ARHGAP25: variants seen among roughly 807,000 people sequenced by gnomAD.
ARHGAP25 encodes the protein rho GTPase-activating protein 25.
In ARHGAP25, 34 loss-of-function variants were observed where a neutral mutation model predicts 71.0. The ratio of observed to expected loss-of-function variants is 0.48; its 90% CI spans 0.36 to 0.64. ARHGAP25 has a LOEUF of 0.64. Ranked by LOEUF, ARHGAP25 falls within the 30% of genes least tolerant of loss-of-function variation. The pLI is 0.00. For missense variants in ARHGAP25, 706 were observed against 805.1 expected (o/e 0.88, Z 1.49); for synonymous variants, 282 against 296.5 (o/e 0.95, Z 0.50).
intron 1 of ARHGAP25, among the ~76,000 whole-genome samples, chr2:68,761,142 G>A (rs1043039450): frequency 3.3e-5 from 5 of 151,994 alleles, no homozygotes; most frequent in African/African-American, 1.2e-4. Context: ...ATGGGGAAAA[G>A]ATTGTCTTTT....
At chr2:68,815,443 CTTTTTTTTTTTTT>C (rs796100406) in intron 6 of ARHGAP25, among the ~76,000 whole-genome samples, 2 of 62,290 alleles carry the variant, frequency 3.2e-5, no homozygotes, top group African/African-American at 6.6e-5. Flanking sequence ...TGTGTACTCT[CTTTTTTTTTTTTT>C]TTTTTTTTTT....
chr2:68,763,940 T>C (rs1300365376), intron 1 of ARHGAP25, among the ~76,000 whole-genome samples: 1 of 152,210 alleles, frequency 6.6e-6, no homozygotes, highest in Non-Finnish European at 1.5e-5. Flanking sequence ...TCAATGATTT[T>C]TAGTAAATTT....
At chr2:68,814,149 G>A (rs942887465) in intron 6 of ARHGAP25, among the ~76,000 whole-genome samples, 2 of 152,086 alleles carry the variant, frequency 1.3e-5, no homozygotes, top group African/African-American at 4.8e-5. Flanking sequence ...TGTTTATATC[G>A]ACTATGTTAA....
intron 4 of ARHGAP25, among the ~76,000 whole-genome samples, chr2:68,799,616 G>A (rs139406334): frequency 1.0e-3 from 155 of 152,254 alleles, no homozygotes; most frequent in African/African-American, 2.7e-3. Flanking sequence ...TCCCCTGAAC[G>A]GCAGTTGACA....
rs77276723 is a variant in ARHGAP25, at chr2:68,755,521, C to T, written c.62-19700C>T. Among the ~76,000 whole-genome samples, 47 of 152,268 alleles carry T rather than the reference C, an allele frequency of 3.1e-4. No individual in the cohort carries two copies. The East Asian group carries it at 8.9e-3, about 29-fold the overall frequency. On this transcript the variant is annotated intron_variant, in intron 1 of 10. Transcript: ENST00000409202. ...ACTCACCGCCCGCCAATCCATCAAT[C>T]CCAGGTATAGCATAATACATGCTAT...
intron 1 of ARHGAP25, among the ~76,000 whole-genome samples, chr2:68,738,887 G>A (rs949584233): frequency 4.6e-5 from 7 of 151,512 alleles, no homozygotes; most frequent in African/African-American, 1.5e-4. Flanking sequence ...ACACAAGGGA[G>A]CTGTTCCTTC....
rs778142508 is a variant in ARHGAP25 at position 68,767,203 on chromosome 2, G to A, written c.62-8018G>A. ...AGTAAAGATGCCTTTTGAAGGGGCA[G>A]TGCTTTTCATACTAAAGTTAAAAAC... On this transcript the variant is annotated intron_variant, in intron 1 of 10. Coordinates refer to ENST00000409202, the MANE Select transcript of ARHGAP25 (RefSeq NM_001007231.3). This position sits in a 1 kb window ranked among gnomAD's most constrained non-coding sequence, Gnocchi z 4.6. Among the ~76,000 whole-genome samples the A allele has an allele frequency of 6.6e-6, 1 of 152,220 alleles. No individual in the cohort carries two copies. Among genetic ancestry groups the A allele is most frequent in the East Asian group, 1.9e-4 (1 of 5,198 alleles).
chr2:68,822,473 C>G lies in ARHGAP25; in HGVS notation c.1334C>G (p.Pro445Arg). Residue 445 changes from proline to arginine, a missense_variant, in exon 10 of 11, where the codon CCT (proline) becomes CGT (arginine). Physicochemically the swap from Pro to Arg is moderately radical, Grantham distance 103. Transcript: ENST00000409202. ...TCTCGTAAAAGGACTCAAACACTCCCTAACCGGAAATGTTTCTTGACATCA... is the reference window on the plus strand; with the variant it reads ...TCTCGTAAAAGGACTCAAACACTCCGTAACCGGAAATGTTTCTTGACATCA... ...MQSRKRTQTLPNRKCFLTSAF... is the reference protein window; with the variant it reads ...MQSRKRTQTLRNRKCFLTSAF... The G allele has an allele frequency of 6.2e-7, 1 of 1,614,236 alleles. No individual in the cohort carries two copies. Among genetic ancestry groups the G allele is most frequent in the Non-Finnish European group, 8.5e-7 (1 of 1,180,036 alleles).
intron 6 of ARHGAP25, among the ~76,000 whole-genome samples, chr2:68,815,986 A>G (rs1413179233): frequency 6.6e-6 from 1 of 152,212 alleles, no homozygotes; most frequent in Non-Finnish European, 1.5e-5. Flanking sequence ...GCAAACAATT[A>G]ACGTATGAGT....
chr2:68,818,053 C>T (rs1681359960), intron 8 of ARHGAP25, 59 bp downstream of exon 8: 3 of 1,600,196 alleles, frequency 1.9e-6, no homozygotes. Context: ...CAACATTCCC[C>T]CTGATATTTG....
chr2:68,784,209 C>T (rs1366772324), intron 3 of ARHGAP25, among the ~76,000 whole-genome samples: 1 of 151,626 alleles, frequency 6.6e-6, no homozygotes, highest in East Asian at 1.9e-4. Flanking sequence ...CACACACACA[C>T]CACATCTCAT....
chr2:68,743,529 TTGAC>T (rs537917100), intron 1 of ARHGAP25, among the ~76,000 whole-genome samples: 1 of 152,230 alleles, frequency 6.6e-6, no homozygotes, highest in Non-Finnish European at 1.5e-5. Flanking sequence ...TTCTTCCTCT[TTGAC>T]TGTCATTCTG....
At chr2:68,805,204 G>A (rs905356527) in intron 4 of ARHGAP25, among the ~76,000 whole-genome samples, 5 of 152,138 alleles carry the variant, frequency 3.3e-5, no homozygotes, top group African/African-American at 4.8e-5. Flanking sequence ...AGAGCATTAC[G>A]TTTTGGAAAC....
intron 2 of ARHGAP25, among the ~76,000 whole-genome samples, chr2:68,720,922 T>C (rs1266936280): frequency 6.6e-6 from 1 of 152,176 alleles, no homozygotes; most frequent in African/African-American, 2.4e-5. Context: ...CAGTGCTTTG[T>C]GGACTGAAAT....
At chr2:68,732,592 T>G (rs143620635), upstream of ARHGAP25, among the ~76,000 whole-genome samples, 1 of 152,316 alleles carries the variant, frequency 6.6e-6, no homozygotes, top group African/African-American at 2.4e-5. Context: ...GGAGGGTAGC[T>G]GGGTAGACTG....
intron 1 of ARHGAP25, among the ~76,000 whole-genome samples, chr2:68,743,245 C>T (rs560313022): frequency 6.6e-6 from 1 of 152,300 alleles, no homozygotes; most frequent in South Asian, 2.1e-4. Context: ...TACTGTCATG[C>T]GTACCTCTGG....
At chr2:68,781,824 C>T (rs1678362946) in intron 2 of ARHGAP25, among the ~76,000 whole-genome samples, 1 of 152,058 alleles carries the variant, frequency 6.6e-6, no homozygotes, top group South Asian at 2.1e-4. Context: ...CCAATGGTCA[C>T]CTGAGTGGTT....
rs796100406 is a variant in ARHGAP25 at position 68,815,443 on chromosome 2, C to CTTTTTTTTTT, written c.808-830_808-821dup. On this transcript the variant is annotated intron_variant, in intron 6 of 10. Coordinates refer to ENST00000409202, the MANE Select transcript of ARHGAP25 (RefSeq NM_001007231.3). Reference sequence around the variant, plus strand: ...CACCGGCATGTGAATTGTGTACTCTCTTTTTTTTTTTTTTTTTTTTTTTTT... The same window carrying CTTTTTTTTTT: ...CACCGGCATGTGAATTGTGTACTCTCTTTTTTTTTTTTTTTTTTTTTTTTTTTTTTTTTTT... Among the ~76,000 whole-genome samples, 8 of 62,332 alleles carry CTTTTTTTTTT rather than the reference C, an allele frequency of 1.3e-4. 2 individuals are homozygous for CTTTTTTTTTT. Among genetic ancestry groups the CTTTTTTTTTT allele is most frequent in the Admixed American group, 4.5e-4 (2 of 4,468 alleles). The allele number at this position is 62,332 out of a possible 152,430, so 40.9% of individuals were successfully genotyped here.
At chr2:68,753,078 T>TGG (rs70954323) in intron 1 of ARHGAP25, among the ~76,000 whole-genome samples, 224 of 147,022 alleles carry the variant, frequency 1.5e-3, no homozygotes, top group East Asian at 8.5e-3. Flanking sequence ...TTGGGGTGGA[T>TGG]GGGGGGGGTG....
Sources: gnomAD v4.1 joint callset for allele counts (sites outside exome capture counted in the v4.1 genomes callset) on GRCh38, gnomAD v4.1.1 for gene constraint, Gnocchi (gnomAD v3.1) non-coding constraint, MANE v1.5 for transcripts, NCBI Gene and HGNC (gene_info 2026-07-23, HGNC 2026-07-21) for gene names.